The following PHLPP2 variants were observed in gnomAD, a reference collection of about 807,000 sequenced individuals.
PHLPP2 encodes the protein PH domain leucine-rich repeat-containing protein phosphatase 2.
In PHLPP2, 66 loss-of-function variants were observed where a neutral mutation model predicts 124.9. The observed-to-expected ratio is 0.53, with a 90% CI of 0.43 to 0.65. The LOEUF (loss-of-function observed/expected upper bound fraction) is 0.65. Among genes scored for constraint, PHLPP2 ranks in the 30% least tolerant of loss-of-function variants. The probability of loss-of-function intolerance (pLI) is 0.00; values close to 1 mark genes in which losing one functional copy is unlikely to be tolerated. For missense variants in PHLPP2, 1,685 were observed against 1,600.4 expected (o/e 1.05, Z -0.90); for synonymous variants, 681 against 624.7 (o/e 1.09, Z -1.34).
intron 4 of PHLPP2, among the ~76,000 whole-genome samples, chr16:71,686,251 C>T (rs1027968362): frequency 1.2e-4 from 19 of 152,220 alleles, no homozygotes; most frequent in Non-Finnish European, 2.2e-4. Context: ...TGGCTCAATG[C>T]AGCCTCAACC....
Position 71,676,440 on chromosome 16 carries a change from A to T in PHLPP2, c.1471+7T>A. 1 of 1,611,444 alleles carries T rather than the reference A, an allele frequency of 6.2e-7. No individual in the cohort carries two copies. The highest frequency in any genetic ancestry group is 8.5e-7 in the Non-Finnish European group (1 of 1,177,580). ...AGAAAAAACAAAAGGCTGCAGAGAA[A>T]ACTCACTGTTGGAACTGGCATAGAG... is the stretch of plus-strand genomic sequence containing the variant. On this transcript the variant is annotated splice_region_variant and intron_variant, in intron 9 of 18. Transcript: ENST00000568954.
Position 71,678,950 on chromosome 16 carries a change from G to A in PHLPP2, c.1073C>T (p.Thr358Ile), listed in dbSNP as rs1226214571. The A allele has an allele frequency of 4.3e-6, 7 of 1,611,728 alleles. No homozygotes were observed. The highest frequency in any genetic ancestry group is 3.3e-5 in the South Asian group (3 of 91,042). Residue 358 changes from threonine to isoleucine, a missense_variant, in exon 8 of 19, where the codon ACT becomes ATT. Transcript: ENST00000568954. ...QTLCLDGNFL[T>I]TLPEELGNLQ... ...ATTTCCCAATTCTTCAGGTAAAGTA[G>A]TCAGAAAGTTGCCATCAAGACAGAG...
intron 3 of PHLPP2, chr16:71,698,687 C>T: frequency 2.1e-6 from 1 of 470,832 alleles, no homozygotes; most frequent in South Asian, 1.9e-5. Context: ...ACTCAGTTGG[C>T]TTAACTGTCT....
At chr16:71,651,194 C>T (rs1344879643) in intron 18 of PHLPP2, among the ~76,000 whole-genome samples, 1 of 152,030 alleles carries the variant, frequency 6.6e-6, no homozygotes, top group Non-Finnish European at 1.5e-5. Flanking sequence ...CAAAATTAGC[C>T]AGGTATAGTG....
At chr16:71,719,307 G>C (rs1278759985) in intron 1 of PHLPP2, among the ~76,000 whole-genome samples, 1 of 152,136 alleles carries the variant, frequency 6.6e-6, no homozygotes, top group Non-Finnish European at 1.5e-5. Context: ...GGCTGAGGCG[G>C]GCAGGATCAC....
chr16:71,697,399 G>A (rs1258549997), intron 3 of PHLPP2, among the ~76,000 whole-genome samples: 1 of 152,044 alleles, frequency 6.6e-6, no homozygotes. Context: ...AGAAAATTTT[G>A]TCACATGTAC....
At chr16:71,711,100 C>T (rs773257526) in intron 2 of PHLPP2, among the ~76,000 whole-genome samples, 9 of 152,100 alleles carry the variant, frequency 5.9e-5, no homozygotes, top group Non-Finnish European at 1.2e-4. Flanking sequence ...GAGGCCGAGG[C>T]GGGCAGATCA....
At chr16:71,702,534 G>A (rs2045241832) in intron 3 of PHLPP2, 64 bp downstream of exon 3, 1 of 1,355,592 alleles carries the variant, frequency 7.4e-7, no homozygotes, top group African/African-American at 1.4e-5. Context: ...GCTGACGGCA[G>A]ATAAGAGGCA....
intron 3 of PHLPP2, among the ~76,000 whole-genome samples, chr16:71,691,332 A>G (rs566177138): frequency 2.4e-4 from 37 of 152,142 alleles, no homozygotes; most frequent in Non-Finnish European, 4.3e-4. Flanking sequence ...ATGGTGGCGG[A>G]CACCTATAGT....
rs1451648520 is a variant in PHLPP2 at position 71,681,857 on chromosome 16, C to T, written c.784G>A (p.Glu262Lys). 4.3e-6 allele frequency: 7 copies of T among 1,613,548 alleles called. No homozygotes were observed. Among genetic ancestry groups the T allele is most frequent in the South Asian group, 2.2e-5 (2 of 91,008 alleles). Reference protein sequence around the residue: ...STVDLSCYSLEEVPEHLFYSQ... With the variant: ...STVDLSCYSLKEVPEHLFYSQ... ...TAGAAGAGATGCTCAGGAACCTCCT[C>T]GAGGCTGTAACACGAGAGATCCACG... The change falls in exon 6 of 19, where the codon GAG becomes AAG. Residue 262 changes from glutamate (E) to lysine (K), a missense_variant. Physicochemically the swap from Glu to Lys is moderately conservative, Grantham distance 56. Transcript: ENST00000568954.
intron 12 of PHLPP2, among the ~76,000 whole-genome samples, chr16:71,666,488 G>T (rs1228448605): frequency 2.0e-5 from 3 of 152,184 alleles, no homozygotes; most frequent in Admixed American, 2.0e-4. Flanking sequence ...ACTCCAGCCT[G>T]AGTGACAGAG....
intron 15 of PHLPP2, among the ~76,000 whole-genome samples, chr16:71,657,261 A>G (rs1459364008): frequency 2.6e-5 from 4 of 151,642 alleles, no homozygotes; most frequent in Admixed American, 2.6e-4. Flanking sequence ...TATTTTTAAT[A>G]GGGATGGAGT....
At chr16:71,677,453 C>CATATATATATATATAT (rs9302629) in intron 8 of PHLPP2, 2 of 133,780 alleles carry the variant, frequency 1.5e-5, no homozygotes, top group African/African-American at 2.9e-5. Context: ...ATAATCTGCA[C>CATATATATATATATAT]ATATATATAT....
chr16:71,697,215 T>TAAATAAATA (rs1555547739), intron 3 of PHLPP2, among the ~76,000 whole-genome samples: 1,081 of 82,634 alleles, frequency 0.013, 8 homozygotes, highest in Middle Eastern at 0.043. Flanking sequence ...AATAAATAAA[T>TAAATAAATA]AAAAAGAAAC....
At chr16:71,683,695 T>C (rs1023639335) in intron 5 of PHLPP2, among the ~76,000 whole-genome samples, 1 of 152,202 alleles carries the variant, frequency 6.6e-6, no homozygotes, top group African/African-American at 2.4e-5. Flanking sequence ...CTGGTGGAAT[T>C]CCATGATTTT....
chr16:71,686,692 AG>A (rs2045058114), intron 4 of PHLPP2, among the ~76,000 whole-genome samples: 1 of 152,088 alleles, frequency 6.6e-6, no homozygotes, highest in Non-Finnish European at 1.5e-5. Flanking sequence ...TTCAATAAAT[AG>A]ACTTTTGTAT....
At chr16:71,716,178 A>C (rs2045361801) in intron 1 of PHLPP2, among the ~76,000 whole-genome samples, 4 of 152,196 alleles carry the variant, frequency 2.6e-5, no homozygotes, top group Non-Finnish European at 4.4e-5. Flanking sequence ...CCTTATACAA[A>C]TACACCAAAC....
chr16:71,691,587 A>C (rs564044226), intron 3 of PHLPP2, among the ~76,000 whole-genome samples: 2 of 152,252 alleles, frequency 1.3e-5, no homozygotes, highest in East Asian at 3.9e-4. Flanking sequence ...TATTGTTACT[A>C]ATCTACCCTA....
chr16:71,718,027 G>A (rs948860428), intron 1 of PHLPP2, among the ~76,000 whole-genome samples: 4 of 152,146 alleles, frequency 2.6e-5, no homozygotes, highest in Admixed American at 2.6e-4. Context: ...GAGTAGCTGG[G>A]ACTACATGCA....
Sources: gnomAD v4.1 joint callset for allele counts (sites outside exome capture counted in the v4.1 genomes callset) on GRCh38, gnomAD v4.1.1 for gene constraint, MANE v1.5 for transcripts, NCBI Gene and HGNC (gene_info 2026-07-23, HGNC 2026-07-21) for gene names.